Variants in ALDH1A2 observed in about 807,000 individuals in gnomAD.
ALDH1A2 encodes aldehyde dehydrogenase 1 family member A2.
In ALDH1A2, 27 loss-of-function variants were observed where a neutral mutation model predicts 60.3. The observed-to-expected ratio is 0.45, with a 90% CI of 0.33 to 0.62. ALDH1A2 has a LOEUF of 0.62. ALDH1A2 is among the 20% of genes least tolerant of loss of function. The pLI is 0.02. For synonymous variants in ALDH1A2, 289 were observed against 232.4 expected (o/e 1.24, Z -2.21); for missense variants, 581 against 643.8 (o/e 0.90, Z 1.06).
At chr15:57,966,109 G>C (rs1383423290) in intron 7 of ALDH1A2, among the ~76,000 whole-genome samples, 2 of 152,202 alleles carry the variant, frequency 1.3e-5, no homozygotes, top group African/African-American at 4.8e-5. Context: ...TTTCTCTAAA[G>C]ACAACTGGCA....
chr15:57,999,361 C>T (rs1166636567), intron 4 of ALDH1A2, among the ~76,000 whole-genome samples: 4 of 151,740 alleles, frequency 2.6e-5, no homozygotes, highest in Admixed American at 6.6e-5. Context: ...AAAATAACCC[C>T]ATTAAAAAGT....
chr15:58,027,829 C>T (rs572681869), intron 1 of ALDH1A2, among the ~76,000 whole-genome samples: 15 of 151,520 alleles, frequency 9.9e-5, no homozygotes, highest in East Asian at 5.8e-4. Context: ...TGAAATAAAG[C>T]GAGAAAATAA....
At chr15:57,989,691 A>C (rs1894828423) in intron 7 of ALDH1A2, among the ~76,000 whole-genome samples, 1 of 46,304 alleles carries the variant, frequency 2.2e-5, no homozygotes, top group Admixed American at 1.8e-4. Context: ...TGTTATATTC[A>C]GGCATCATGT....
At chr15:58,051,895 T>G (rs1176819156) in intron 1 of ALDH1A2, among the ~76,000 whole-genome samples, 1 of 152,118 alleles carries the variant, frequency 6.6e-6, no homozygotes. Context: ...CCCTCCATGG[T>G]TTTCATGAGC....
rs1893473733 is a variant in ALDH1A2, at chr15:57,955,121, C to G, written c.*76G>C. The G allele has an allele frequency of 2.1e-6, 3 of 1,447,498 alleles. No homozygotes were observed. The highest frequency in any genetic ancestry group is 2.9e-6 in the Non-Finnish European group (3 of 1,028,178). The allele number at this position is 1,447,498 out of a possible 1,614,324, so 89.7% of individuals were successfully genotyped here. On this transcript the variant is annotated 3_prime_UTR_variant, in exon 13 of 13. Coordinates refer to ENST00000249750, the MANE Select transcript of ALDH1A2 (RefSeq NM_003888.4). ...AGGACCGTGGCTCAACTTTGTATTC[C>G]TGAGAGCTGGGCCCTACAGAGAAAG... is the stretch of plus-strand genomic sequence containing the variant.
At position 57,954,978 on chromosome 15, in the gene ALDH1A2, A is replaced by ATATTTGGTATGATT. The variant is rs1229480081; in HGVS notation, c.*205_*218dup. Reference sequence around the variant, plus strand: ...TCCTCCCTTTATCCCACTTTCCCCAATATTTGGTATGATTAAGGTGGCCCC... The same window carrying ATATTTGGTATGATT: ...TCCTCCCTTTATCCCACTTTCCCCAATATTTGGTATGATTTATTTGGTATGATTAAGGTGGCCCC... On this transcript the variant is annotated 3_prime_UTR_variant, in exon 13 of 13. Coordinates refer to ENST00000249750, the MANE Select transcript of ALDH1A2 (RefSeq NM_003888.4). 20 of 606,406 alleles carry ATATTTGGTATGATT rather than the reference A, an allele frequency of 3.3e-5. No homozygotes were observed. The highest frequency in any genetic ancestry group is 5.6e-5 in the Non-Finnish European group (19 of 338,864). 37.6% of individuals were successfully genotyped at this position (606,406 alleles called of 1,614,324 possible).
chr15:57,971,976 G>A (rs1406161337), intron 7 of ALDH1A2, among the ~76,000 whole-genome samples: 2 of 152,068 alleles, frequency 1.3e-5, no homozygotes, highest in African/African-American at 4.8e-5. Flanking sequence ...ACGATCTTCT[G>A]GTCTTGATCT....
intron 7 of ALDH1A2, among the ~76,000 whole-genome samples, chr15:57,973,335 G>A (rs546256686): frequency 2.6e-5 from 4 of 152,226 alleles, no homozygotes; most frequent in South Asian, 4.2e-4. Context: ...AAAGTTGTTG[G>A]CTTTCTAAAG....
chr15:57,989,481 G>C (rs1894821340), intron 7 of ALDH1A2, among the ~76,000 whole-genome samples: 1 of 152,046 alleles, frequency 6.6e-6, no homozygotes, highest in Non-Finnish European at 1.5e-5. Context: ...CCAAATAAGA[G>C]GGTATGTTGC....
intron 1 of ALDH1A2, among the ~76,000 whole-genome samples, chr15:58,048,634 G>A (rs16939727): frequency 0.09 from 13,640 of 151,858 alleles, 642 homozygotes; most frequent in East Asian, 0.12. Flanking sequence ...GGGGAATTAC[G>A]GTGACCTATG....
chr15:57,990,162 A>G (rs1411668791), intron 7 of ALDH1A2: 1 of 152,242 alleles, frequency 6.6e-6, no homozygotes, highest in Non-Finnish European at 1.5e-5. Context: ...ACAACAAACA[A>G]AAGATTAACA....
In ALDH1A2 at chr15:58,013,931, A is replaced by G. The variant is rs1895712162; in HGVS notation, c.290T>C (p.Met97Thr). The G allele has an allele frequency of 1.2e-6, 2 of 1,613,924 alleles. No individual in the cohort carries two copies. Among genetic ancestry groups the G allele is most frequent in the Admixed American group, 1.7e-5 (1 of 59,986 alleles). ...AFSLGSVWRR[M>T]DASERGRLLD... is the part of the protein sequence containing the mutation. Reference sequence around the variant, plus strand: ...CAGACGTCCCCTTTCTGAAGCATCCATCCTTCTCCACACTGAACCAAGAGA... The same window carrying G: ...CAGACGTCCCCTTTCTGAAGCATCCGTCCTTCTCCACACTGAACCAAGAGA... Residue 97 changes from methionine (M) to threonine (T), a missense_variant, in exon 3 of 13, where the codon ATG becomes ACG. Around this residue, in one of 2 missense-constraint regions of ALDH1A2, gnomAD observed 206 missense variants for 174.1 expected, o/e 1.18. Coordinates refer to ENST00000249750, the MANE Select transcript of ALDH1A2 (RefSeq NM_003888.4).
chr15:57,955,920 C>T (rs980225453), intron 12 of ALDH1A2, among the ~76,000 whole-genome samples: 19 of 152,186 alleles, frequency 1.2e-4, no homozygotes, highest in Admixed American at 6.5e-4. Context: ...TATAAAATCA[C>T]GCATGTTCTC....
intron 1 of ALDH1A2, among the ~76,000 whole-genome samples, chr15:58,050,232 T>C (rs1215606845): frequency 1.3e-5 from 2 of 152,118 alleles, no homozygotes; most frequent in Non-Finnish European, 1.5e-5. Flanking sequence ...CTCTTCATTA[T>C]TCCAGTGTAC....
chr15:58,029,726 A>C (rs1332716851), intron 1 of ALDH1A2, among the ~76,000 whole-genome samples: 1 of 152,204 alleles, frequency 6.6e-6, no homozygotes, highest in African/African-American at 2.4e-5. Context: ...ATTCCACAGA[A>C]ATACAAACTA....
chr15:57,989,888 T>C (rs1326913637), intron 7 of ALDH1A2, among the ~76,000 whole-genome samples: 2 of 151,860 alleles, frequency 1.3e-5, no homozygotes, highest in Admixed American at 6.6e-5. Context: ...GGGCCGTTTG[T>C]ATAATCTTAA....
chr15:58,054,226 C>T (rs1387843619), intron 1 of ALDH1A2, among the ~76,000 whole-genome samples: 1 of 151,958 alleles, frequency 6.6e-6, no homozygotes, highest in Non-Finnish European at 1.5e-5. Context: ...AGAAGAGAAG[C>T]ACAAAAGGGG....
intron 1 of ALDH1A2, among the ~76,000 whole-genome samples, chr15:58,050,960 T>C (rs1896760855): frequency 6.6e-6 from 1 of 152,162 alleles, no homozygotes; most frequent in Non-Finnish European, 1.5e-5. Flanking sequence ...TTTGAACCAA[T>C]AAATGAGTGA....
chr15:57,959,076 A>C (rs1203271757), intron 12 of ALDH1A2, among the ~76,000 whole-genome samples: 1 of 152,164 alleles, frequency 6.6e-6, no homozygotes, highest in Non-Finnish European at 1.5e-5. Context: ...AGCTAATGTA[A>C]CAAGTGTGCC....
Sources: gnomAD v4.1 joint callset for allele counts (sites outside exome capture counted in the v4.1 genomes callset) on GRCh38, gnomAD v4.1.1 for gene constraint, gnomAD v4.1.1 regional missense constraint, MANE v1.5 for transcripts, NCBI Gene and HGNC (gene_info 2026-07-23, HGNC 2026-07-21) for gene names.